The following TEX9 variants were observed in gnomAD, a reference collection of about 807,000 sequenced individuals.
TEX9 encodes testis-expressed protein 9.
In TEX9, 74 loss-of-function variants were observed where a neutral mutation model predicts 59.6. The ratio of observed to expected loss-of-function variants is 1.24; its 90% CI spans 1.03 to 1.51. The LOEUF (loss-of-function observed/expected upper bound fraction) is 1.51. TEX9 is among the 40% of genes most tolerant of loss of function. TEX9 has a pLI of 0.00. For synonymous variants in TEX9, 186 were observed against 152.2 expected (o/e 1.22, Z -1.64); for missense variants, 522 against 447.8 (o/e 1.17, Z -1.49).
chr15:56,427,737 A>G, exon 11 of TEX9: 1 of 1,475,580 alleles, frequency 6.8e-7, no homozygotes, highest in Admixed American at 2.6e-5. Context: ...AAAAAGGCAA[A>G]AGGTGAGTCT....
chr15:56,370,308 C>G (rs771001837), intron 2 of TEX9, among the ~76,000 whole-genome samples: 3 of 151,902 alleles, frequency 2.0e-5, no homozygotes, highest in Non-Finnish European at 2.9e-5. Flanking sequence ...ACACCCACAC[C>G]CAGTTAATCA....
At chr15:56,288,597 A>G (rs2045008413) in intron 1 of TEX9, among the ~76,000 whole-genome samples, 1 of 151,522 alleles carries the variant, frequency 6.6e-6, no homozygotes, top group African/African-American at 2.4e-5. Flanking sequence ...CTGCTGAGAA[A>G]CCCATTGCTA....
chr15:56,260,602 TTATGA>T (rs1431900991), intron 1 of TEX9, among the ~76,000 whole-genome samples: 1 of 152,114 alleles, frequency 6.6e-6, no homozygotes, highest in Non-Finnish European at 1.5e-5. Flanking sequence ...ACCAAATTGG[TTATGA>T]TATGTTATCC....
At chr15:56,452,592 C>A in the TEX9 span, among the ~76,000 whole-genome samples, 2 of 150,996 alleles carry the variant, frequency 1.3e-5, no homozygotes, top group African/African-American at 4.9e-5. Flanking sequence ...GATCTTGGCT[C>A]ACTGCAAGCT....
intron 1 of TEX9, among the ~76,000 whole-genome samples, chr15:56,316,540 C>T (rs2045770382): frequency 6.6e-6 from 1 of 151,190 alleles, no homozygotes; most frequent in Non-Finnish European, 1.5e-5. Context: ...GGGAGAACCA[C>T]TGCTCTCTTC....
At chr15:56,398,896 G>C (rs1444499620) in intron 9 of TEX9, among the ~76,000 whole-genome samples, 1 of 152,170 alleles carries the variant, frequency 6.6e-6, no homozygotes, top group African/African-American at 2.4e-5. Flanking sequence ...CACTTTGGGA[G>C]GCCAAGGCAG....
chr15:56,332,063 G>A (rs1243053444), intron 1 of TEX9, among the ~76,000 whole-genome samples: 1 of 129,880 alleles, frequency 7.7e-6, no homozygotes, highest in East Asian at 2.2e-4. Flanking sequence ...TCAGTGTGGC[G>A]ATTCCTCAGG....
chr15:56,383,520 T>G (rs2047828588), intron 3 of TEX9, among the ~76,000 whole-genome samples: 1 of 152,206 alleles, frequency 6.6e-6, no homozygotes, highest in Admixed American at 6.5e-5. Flanking sequence ...CTTTTACCCC[T>G]GATACTTCAC....
chr15:56,272,278 CT>C (rs2044553622), intron 1 of TEX9, among the ~76,000 whole-genome samples: 1 of 152,110 alleles, frequency 6.6e-6, no homozygotes, highest in Admixed American at 6.5e-5. Context: ...AATTCCAATT[CT>C]CCCCTTGCTC....
chr15:56,337,636 C>T (rs1158398602), intron 1 of TEX9, among the ~76,000 whole-genome samples: 2 of 152,148 alleles, frequency 1.3e-5, no homozygotes, highest in African/African-American at 4.8e-5. Flanking sequence ...AGATGAACTT[C>T]CCTCTTACCT....
chr15:56,424,623 A>G (rs1485463360), intron 10 of TEX9, among the ~76,000 whole-genome samples: 3 of 152,148 alleles, frequency 2.0e-5, no homozygotes, highest in African/African-American at 7.2e-5. Flanking sequence ...AATCGTATAT[A>G]AAGACTCTAC....
At chr15:56,451,211 C>T in the TEX9 span, among the ~76,000 whole-genome samples, 6 of 152,132 alleles carry the variant, frequency 3.9e-5, no homozygotes, top group East Asian at 1.9e-4. Flanking sequence ...TAGTTTTTCA[C>T]GTAGTCCCAA....
At chr15:56,430,933 G>T (rs2050573778) in intron 12 of TEX9, among the ~76,000 whole-genome samples, 1 of 152,190 alleles carries the variant, frequency 6.6e-6, no homozygotes. Context: ...GGCTGAGGCA[G>T]ATGGATCACC....
chr15:56,299,926 C>T (rs2045303688), intron 1 of TEX9, among the ~76,000 whole-genome samples: 1 of 151,976 alleles, frequency 6.6e-6, no homozygotes, highest in Non-Finnish European at 1.5e-5. Flanking sequence ...TTGAGTGAGA[C>T]ACAATATCCT....
chr15:56,455,606 C>A, the TEX9 span, among the ~76,000 whole-genome samples: 1 of 152,064 alleles, frequency 6.6e-6, no homozygotes, highest in South Asian at 2.1e-4. Context: ...ATTTACTTGG[C>A]CCTGAGTTTT....
chr15:56,386,037 G>A (rs1215167158), intron 4 of TEX9, among the ~76,000 whole-genome samples: 1 of 151,858 alleles, frequency 6.6e-6, no homozygotes, highest in Non-Finnish European at 1.5e-5. Context: ...CCAAAACCTG[G>A]AAATAATTAA....
At chr15:56,303,070 C>G (rs370462365) in intron 1 of TEX9, among the ~76,000 whole-genome samples, 1 of 152,274 alleles carries the variant, frequency 6.6e-6, no homozygotes, top group South Asian at 2.1e-4. Context: ...GCAAATATTA[C>G]TAGAGCTAAA....
chr15:56,405,003 G>A (rs977616340), intron 9 of TEX9, among the ~76,000 whole-genome samples: 13 of 152,098 alleles, frequency 8.5e-5, no homozygotes, highest in African/African-American at 3.1e-4. Context: ...CTGGCAGGGG[G>A]ATTGCATTAG....
At chr15:56,271,772 G>A (rs1268437483) in intron 1 of TEX9, among the ~76,000 whole-genome samples, 2 of 152,174 alleles carry the variant, frequency 1.3e-5, no homozygotes, top group African/African-American at 4.8e-5. Flanking sequence ...TAGAGAGGAT[G>A]TAGTCAAGTC....
Sources: allele counts gnomAD v4.1 joint callset (sites outside exome capture counted in the v4.1 genomes callset), GRCh38; gene constraint gnomAD v4.1.1; transcripts MANE v1.5; gene names NCBI Gene and HGNC (gene_info 2026-07-23, HGNC 2026-07-21).